CDC42BPB: variants seen among roughly 807,000 people sequenced by gnomAD.
CDC42BPB encodes the protein CDC42 binding protein kinase beta, also known as serine/threonine-protein kinase MRCK beta.
Under a neutral mutation model 214.9 loss-of-function variants are expected in CDC42BPB, and 37 were observed. The ratio of observed to expected loss-of-function variants is 0.17; its 90% CI spans 0.13 to 0.23. The LOEUF (loss-of-function observed/expected upper bound fraction) is 0.23, where lower values mean the gene tolerates loss of function less well. CDC42BPB is among the 10% of genes least tolerant of loss of function. The pLI, the probability that CDC42BPB is intolerant of heterozygous loss-of-function variation, is 1.00. For synonymous variants in CDC42BPB, 931 were observed against 884.0 expected, an observed-to-expected ratio of 1.05 and a Z score of -0.94; for missense variants, 1,694 against 2,227.0, an observed-to-expected ratio of 0.76 and a Z score of 4.82.
chr14:102,992,583 C>T lies in CDC42BPB; in HGVS notation c.597-6003G>A, dbSNP rs1005545504. Among the ~76,000 whole-genome samples, 4 of 152,090 alleles carry T rather than the reference C, an allele frequency of 2.6e-5. No individual in the cohort carries two copies. In the South Asian group the frequency reaches 8.3e-4, roughly 32 times the overall value. On this transcript the variant is annotated intron_variant, in intron 5 of 36. Transcript: ENST00000361246. ...TGCCAGCACCTGTGCTCACGTCACA[C>T]GCTGCAATAACCTAAGAATCCACTC...
At position 102,947,609 on chromosome 14, in the gene CDC42BPB, AC is replaced by A. The variant is rs1892242328; in HGVS notation, c.3531+111del. On this transcript the variant is annotated intron_variant, in intron 27 of 36. Transcript: ENST00000361246. ...ACCTGGAGCCAGGCTGGAGGTTGAG[AC>A]CCTAGGGCCACACTGGAGGTGCGCT... is the stretch of plus-strand genomic sequence containing the variant. 2.0e-5 allele frequency: 18 copies of A among 921,096 alleles called. No individual in the cohort carries two copies. The East Asian group carries it at 4.4e-4, about 23-fold the overall frequency. The allele number at this position is 921,096 out of a possible 1,614,324, so 57.1% of individuals were successfully genotyped here.
chr14:102,949,337 G>A (rs145182137), intron 26 of CDC42BPB, among the ~76,000 whole-genome samples: 19 of 152,224 alleles, frequency 1.2e-4, no homozygotes, highest in Non-Finnish European at 2.4e-4. Context: ...CTACGGCCAC[G>A]CACACCCACA....
intron 18 of CDC42BPB, chr14:102,964,889 A>G: frequency 1.9e-6 from 1 of 530,282 alleles, no homozygotes; most frequent in Non-Finnish European, 2.4e-6. Context: ...TAGAAGAATA[A>G]AAGTGATTCT....
chr14:103,052,792 G>T (rs73354653), intron 1 of CDC42BPB, among the ~76,000 whole-genome samples: 2,461 of 152,334 alleles, frequency 0.016, 68 homozygotes, highest in African/African-American at 0.057. Flanking sequence ...AGCCAGGGCA[G>T]AGGACCACTG....
chr14:102,990,387 G>A (rs999324096), intron 5 of CDC42BPB, among the ~76,000 whole-genome samples: 1 of 152,182 alleles, frequency 6.6e-6, no homozygotes, highest in African/African-American at 2.4e-5. Flanking sequence ...TTGCTTCTGT[G>A]GTGTCCTGGG....
intron 5 of CDC42BPB, among the ~76,000 whole-genome samples, chr14:102,998,618 G>A (rs566750627): frequency 1.1e-4 from 17 of 152,340 alleles, no homozygotes; most frequent in Admixed American, 9.8e-4. Context: ...CCTCCCAGCC[G>A]AGAAGGCAGA....
intron 1 of CDC42BPB, among the ~76,000 whole-genome samples, chr14:103,053,542 A>G (rs535735049): frequency 6.6e-6 from 1 of 151,930 alleles, no homozygotes; most frequent in Non-Finnish European, 1.5e-5. Flanking sequence ...GGGGCAGATC[A>G]CGAGGTCTGG....
chr14:103,041,921 C>T (rs973257592), intron 1 of CDC42BPB: 14 of 400,446 alleles, frequency 3.5e-5, no homozygotes, highest in African/African-American at 8.6e-5. Context: ...CTGACAGGAC[C>T]GGTCATGCCC....
intron 34 of CDC42BPB, chr14:102,938,652 T>C (rs1487271457): frequency 7.1e-6 from 5 of 701,834 alleles, no homozygotes; most frequent in Non-Finnish European, 8.8e-6. Flanking sequence ...TGTTTGAGAC[T>C]GAGTCTTGCT....
Position 103,012,124 on chromosome 14 carries a change from T to C in CDC42BPB, c.240A>G (p.Lys80=). The change falls in exon 2 of 37, where the codon AAA becomes AAG. Residue 80 remains lysine (K), a synonymous_variant. Transcript: ENST00000361246. ...CACCAAAAGCACCTCTTCCAATTAC[T>C]TTAATTATTTCAAAGTCTTCTCGAT... ...QLHREDFEII[K]VIGRGAFGEV... 1 of 1,613,668 alleles carries C rather than the reference T, an allele frequency of 6.2e-7. No homozygotes were observed. Among genetic ancestry groups the C allele is most frequent in the Non-Finnish European group, 8.5e-7 (1 of 1,179,604 alleles).
chr14:102,936,258 G>A (rs983313059), intron 36 of CDC42BPB, among the ~76,000 whole-genome samples: 1 of 152,150 alleles, frequency 6.6e-6, no homozygotes, highest in African/African-American at 2.4e-5. Flanking sequence ...GCATAAACCC[G>A]AATGTGAAAA....
rs10710013 is a variant in CDC42BPB at position 102,959,296 on chromosome 14, C to CA, written c.2901+334dup. ...TGGGTGACAGAGCAAGACTCCGTCTCAAAAAAAAAAAAAAAAATACTCACT... is the reference window on the plus strand; with the variant it reads ...TGGGTGACAGAGCAAGACTCCGTCTCAAAAAAAAAAAAAAAAAATACTCACT... On this transcript the variant is annotated intron_variant, in intron 21 of 36. Coordinates refer to ENST00000361246, the MANE Select transcript of CDC42BPB (RefSeq NM_006035.4). 3.5e-3 allele frequency among the ~76,000 whole-genome samples: 453 copies of CA among 130,594 alleles called. 3 individuals are homozygous for CA. The highest frequency in any genetic ancestry group is 0.011 in the African/African-American group (402 of 35,082). The allele number at this position is 130,594 out of a possible 152,430, so 85.7% of individuals were successfully genotyped here. A position where few individuals can be genotyped will look rare whatever the true frequency, so the allele number is the denominator to read the frequency against.
intron 1 of CDC42BPB, among the ~76,000 whole-genome samples, chr14:103,015,918 A>C (rs1280327224): frequency 1.3e-5 from 2 of 151,130 alleles, no homozygotes; most frequent in African/African-American, 4.9e-5. Context: ...GGGTTTCACT[A>C]TGTTACCCAG....
At chr14:102,945,618 C>A (rs773807003) in intron 29 of CDC42BPB, 44 bp downstream of exon 29, 1 of 1,566,980 alleles carries the variant, frequency 6.4e-7, no homozygotes, top group Admixed American at 1.7e-5. Context: ...AGAGGCCAGG[C>A]TGGGCCTGTG....
chr14:102,962,072 T>C (rs1209664542), intron 20 of CDC42BPB, among the ~76,000 whole-genome samples: 1 of 152,200 alleles, frequency 6.6e-6, no homozygotes, highest in East Asian at 1.9e-4. Flanking sequence ...TGCTCAATCT[T>C]ACTTATGAGA....
rs1432280226 is a variant in CDC42BPB at position 103,044,907 on chromosome 14, A to G, written c.175+12092T>C. 4.6e-5 allele frequency among the ~76,000 whole-genome samples: 7 copies of G among 150,884 alleles called. No individual in the cohort carries two copies. In the East Asian group the frequency reaches 1.4e-3, roughly 31 times the overall value. On this transcript the variant is annotated intron_variant, in intron 1 of 36. Coordinates refer to ENST00000361246, the MANE Select transcript of CDC42BPB (RefSeq NM_006035.4). ...CAGTAGAAATGGTATTTCAAATTGA[A>G]GTATAAGATGGGTCAGGTGTGGTGG...
At chr14:102,959,935 G>C in intron 20 of CDC42BPB, 1 of 721,538 alleles carries the variant, frequency 1.4e-6, no homozygotes, top group Non-Finnish European at 1.7e-6. Flanking sequence ...GACTGGGTGC[G>C]GTGGCTCACG....
At chr14:103,050,762 G>GA (rs201264388) in intron 1 of CDC42BPB, among the ~76,000 whole-genome samples, 10 of 146,724 alleles carry the variant, frequency 6.8e-5, no homozygotes, top group Non-Finnish European at 1.1e-4. Context: ...GTCTTGGGGG[G>GA]AAAAAAAAAA....
chr14:103,034,744 G>C (rs1490996079), intron 1 of CDC42BPB, among the ~76,000 whole-genome samples: 4 of 151,816 alleles, frequency 2.6e-5, no homozygotes, highest in Admixed American at 6.6e-5. Context: ...CCTGAACCCG[G>C]GAGGCGGAGG....
Sources: allele counts gnomAD v4.1 joint callset (sites outside exome capture counted in the v4.1 genomes callset), GRCh38; gene constraint gnomAD v4.1.1; transcripts MANE v1.5; gene names NCBI Gene and HGNC (gene_info 2026-07-23, HGNC 2026-07-21).